HECW1: variants seen among roughly 807,000 people sequenced by gnomAD.
The protein encoded by HECW1 is HECT, C2 and WW domain containing E3 ubiquitin protein ligase 1.
In HECW1, 61 loss-of-function variants were observed where a neutral mutation model predicts 182.3. The ratio of observed to expected loss-of-function variants is 0.33; its 90% CI spans 0.27 to 0.41. The LOEUF is 0.41. Among genes scored for constraint, HECW1 ranks in the 10% least tolerant of loss-of-function variants. The pLI is 1.00. For missense variants in HECW1, 1,739 were observed against 2,108.9 expected, an observed-to-expected ratio of 0.82 and a Z score of 3.44; for synonymous variants, 859 against 832.6, an observed-to-expected ratio of 1.03 and a Z score of -0.55.
chr7:43,128,498 C>T (rs1345360206), intron 2 of HECW1, among the ~76,000 whole-genome samples: 2 of 152,178 alleles, frequency 1.3e-5, no homozygotes, highest in African/African-American at 2.4e-5. Flanking sequence ...AAAAAAGATT[C>T]CATTCAAAAT....
chr7:43,198,897 C>T (rs959258444), intron 2 of HECW1, among the ~76,000 whole-genome samples: 7 of 152,362 alleles, frequency 4.6e-5, no homozygotes, highest in African/African-American at 1.7e-4. Flanking sequence ...CCCTCTCCAG[C>T]GTTCTCATCA....
At chr7:43,495,907 A>G (rs2079102523) in intron 19 of HECW1, among the ~76,000 whole-genome samples, 1 of 152,188 alleles carries the variant, frequency 6.6e-6, no homozygotes, top group Non-Finnish European at 1.5e-5. Flanking sequence ...ACCATTAAGT[A>G]GTGAGTTCAC....
At chr7:43,531,731 GACAC>G in intron 24 of HECW1, among the ~76,000 whole-genome samples, 1 of 152,282 alleles carries the variant, frequency 6.6e-6, no homozygotes, top group East Asian at 1.9e-4. Context: ...AGAGGCATTT[GACAC>G]AGTCGGCCTC....
At chr7:43,167,922 AT>A (rs1042436185) in intron 2 of HECW1, among the ~76,000 whole-genome samples, 24 of 152,164 alleles carry the variant, frequency 1.6e-4, no homozygotes, top group Admixed American at 5.2e-4. Flanking sequence ...TGGAGCTAGA[AT>A]TTGAACCAGA....
At chr7:43,265,855 C>T (rs1370593198) in intron 3 of HECW1, among the ~76,000 whole-genome samples, 1 of 152,166 alleles carries the variant, frequency 6.6e-6, no homozygotes, top group East Asian at 1.9e-4. Context: ...CAATGATCTG[C>T]TAGAATGACT....
chr7:43,331,060 T>A (rs1244666341), intron 5 of HECW1, among the ~76,000 whole-genome samples: 6 of 152,164 alleles, frequency 3.9e-5, no homozygotes, highest in Non-Finnish European at 8.8e-5. Flanking sequence ...TACGTATACA[T>A]GTGCCATGTT....
chr7:43,272,351 G>C (rs145507822), intron 3 of HECW1, among the ~76,000 whole-genome samples: 174 of 152,190 alleles, frequency 1.1e-3, no homozygotes, highest in African/African-American at 4.0e-3. Flanking sequence ...TTAAACTAAA[G>C]AGCTTCTGCA....
chr7:43,293,594 T>C (rs1805680328), intron 3 of HECW1, among the ~76,000 whole-genome samples: 1 of 152,228 alleles, frequency 6.6e-6, no homozygotes, highest in Non-Finnish European at 1.5e-5. Flanking sequence ...CTGCCTCAGA[T>C]ACGTGTATCA....
intron 6 of HECW1, among the ~76,000 whole-genome samples, chr7:43,395,053 T>TG (rs11399090): frequency 1 from 151,668 of 151,726 alleles, 75,805 homozygotes; most frequent in Middle Eastern, 1. Flanking sequence ...TTGTTGATCT[T>TG]GTGGTGCCAG....
chr7:43,182,136 G>A (rs1007112316), intron 2 of HECW1, among the ~76,000 whole-genome samples: 3 of 152,112 alleles, frequency 2.0e-5, no homozygotes, highest in Non-Finnish European at 4.4e-5. Context: ...CATTTGCTGT[G>A]TGGAAGTGTT....
intron 2 of HECW1, among the ~76,000 whole-genome samples, chr7:43,184,303 G>A (rs1203033345): frequency 1.3e-5 from 2 of 152,150 alleles, no homozygotes; most frequent in African/African-American, 4.8e-5. Flanking sequence ...GTGAGCCACC[G>A]CCCTGCCAAT....
rs147709703 is a variant in HECW1 at position 43,559,516 on chromosome 7, G to A, written c.4710-2299G>A. 3.0e-3 allele frequency among the ~76,000 whole-genome samples: 454 copies of A among 152,252 alleles called. 1 individual carries two copies. Among genetic ancestry groups the A allele is most frequent in the African/African-American group, 0.01 (416 of 41,554 alleles). ...AAAACGCATTTATGTGTGTTCTGGC[G>A]TTGATCCTCCCCATAACCCTTTGAG... On this transcript the variant is annotated intron_variant, in intron 29 of 29. Transcript: ENST00000395891.
At chr7:43,323,756 G>A (rs186576822) in intron 5 of HECW1, among the ~76,000 whole-genome samples, 9 of 152,272 alleles carry the variant, frequency 5.9e-5, no homozygotes, top group Admixed American at 4.6e-4. Context: ...GACCGTGCGC[G>A]GTGACTCATG....
chr7:43,382,616 A>G (rs2074602721), intron 6 of HECW1, among the ~76,000 whole-genome samples: 1 of 152,206 alleles, frequency 6.6e-6, no homozygotes, highest in African/African-American at 2.4e-5. Flanking sequence ...TCTCTTTTAA[A>G]GGAATTTACT....
chr7:43,399,720 G>T (rs537530075), intron 7 of HECW1, among the ~76,000 whole-genome samples: 2 of 152,286 alleles, frequency 1.3e-5, no homozygotes, highest in African/African-American at 4.8e-5. Context: ...ATCAGGGTTG[G>T]TTCATCTCCT....
chr7:43,282,591 A>T (rs552258592), intron 3 of HECW1, among the ~76,000 whole-genome samples: 1 of 152,356 alleles, frequency 6.6e-6, no homozygotes, highest in African/African-American at 2.4e-5. Flanking sequence ...TGTTCAAGAA[A>T]ATATAATAAA....
At chr7:43,186,445 A>T (rs974626141) in intron 2 of HECW1, among the ~76,000 whole-genome samples, 1 of 152,220 alleles carries the variant, frequency 6.6e-6, no homozygotes, top group East Asian at 1.9e-4. Flanking sequence ...AGGCGGATGG[A>T]TCACGAGGTC....
At chr7:43,283,109 A>T (rs140849525) in intron 3 of HECW1, among the ~76,000 whole-genome samples, 28 of 151,412 alleles carry the variant, frequency 1.8e-4, no homozygotes, top group African/African-American at 6.3e-4. Context: ...TGGGTGATAG[A>T]GTAAGACTAT....
chr7:43,444,276 C>T lies in HECW1; in HGVS notation c.1104C>T (p.Pro368=), dbSNP rs2076975102. 2 of 1,613,992 alleles carry T rather than the reference C, an allele frequency of 1.2e-6. No individual in the cohort carries two copies. The highest frequency in any genetic ancestry group is 1.7e-6 in the Non-Finnish European group (2 of 1,179,988). Residue 368 remains proline, a synonymous_variant, in exon 11 of 30, where the codon CCC becomes CCT. Coordinates refer to ENST00000395891, the MANE Select transcript of HECW1 (RefSeq NM_015052.5). This position sits in a 1 kb window ranked among gnomAD's most constrained non-coding sequence, Gnocchi z 4.3. ...EPESAQIQDS[P]MNNLMESGSG... ...AGTCAGCCCAAATTCAGGACAGCCC[C>T]ATGAACAACCTGATGGAAAGCGGCA... is the stretch of plus-strand genomic sequence containing the variant.
Sources: gnomAD v4.1 joint callset for allele counts (sites outside exome capture counted in the v4.1 genomes callset) on GRCh38, gnomAD v4.1.1 for gene constraint, Gnocchi (gnomAD v3.1) non-coding constraint, MANE v1.5 for transcripts, NCBI Gene and HGNC (gene_info 2026-07-23, HGNC 2026-07-21) for gene names.